NDRG3: variants seen among roughly 807,000 people sequenced by gnomAD.
NDRG3 encodes protein NDRG3.
In NDRG3, 23 loss-of-function variants were observed where a neutral mutation model predicts 57.2. The observed-to-expected ratio is 0.40, with a 90% CI of 0.29 to 0.57. The LOEUF (loss-of-function observed/expected upper bound fraction) is 0.57. Among genes scored for constraint, NDRG3 ranks in the 20% least tolerant of loss-of-function variants. The pLI is 0.42. For synonymous variants in NDRG3, 132 were observed against 162.6 expected (o/e 0.81, Z 1.43); for missense variants, 384 against 457.3 (o/e 0.84, Z 1.46).
intron 2 of NDRG3, among the ~76,000 whole-genome samples, chr20:36,711,969 C>CG (rs1301034894): frequency 6.6e-6 from 1 of 152,088 alleles, no homozygotes; most frequent in East Asian, 1.9e-4. Context: ...TTAGTAGAGA[C>CG]GGGGTTTCAC....
At chr20:36,686,862 A>G (rs981252908) in intron 5 of NDRG3, among the ~76,000 whole-genome samples, 1 of 152,158 alleles carries the variant, frequency 6.6e-6, no homozygotes, top group Non-Finnish European at 1.5e-5. Context: ...GAAGGACACA[A>G]AAATGACAGG....
intron 5 of NDRG3, among the ~76,000 whole-genome samples, chr20:36,687,049 A>T (rs1313370728): frequency 6.6e-6 from 1 of 152,004 alleles, no homozygotes; most frequent in Admixed American, 6.6e-5. Flanking sequence ...TGTAGAGACA[A>T]GGTATTCCTA....
intron 2 of NDRG3, among the ~76,000 whole-genome samples, chr20:36,707,308 T>C (rs1983602996): frequency 6.6e-6 from 1 of 152,168 alleles, no homozygotes; most frequent in African/African-American, 2.4e-5. Context: ...GGTGAGAATT[T>C]GCAGGAAGAG....
rs759634870 is a variant in NDRG3 at position 36,707,022 on chromosome 20, C to G, written c.58-15G>C. The G allele has an allele frequency of 8.1e-6, 13 of 1,612,844 alleles. No homozygotes were observed. Among genetic ancestry groups the G allele is most frequent in the Non-Finnish European group, 1.1e-5 (13 of 1,179,042 alleles). On this transcript the variant is annotated splice_polypyrimidine_tract_variant and intron_variant, in intron 2 of 15. Coordinates refer to ENST00000349004, the MANE Select transcript of NDRG3 (RefSeq NM_032013.4). ...CTTGTACCATTCTGTCAACAGAAGACAGAAAACACAGTCAGTTTCCCCACA... is the reference window on the plus strand; with the variant it reads ...CTTGTACCATTCTGTCAACAGAAGAGAGAAAACACAGTCAGTTTCCCCACA...
intron 2 of NDRG3, among the ~76,000 whole-genome samples, chr20:36,710,507 T>G (rs1205179503): frequency 6.6e-6 from 1 of 152,114 alleles, no homozygotes; most frequent in East Asian, 1.9e-4. Flanking sequence ...ATTTAGTATT[T>G]TGTAATATAA....
intron 1 of NDRG3, among the ~76,000 whole-genome samples, chr20:36,728,812 G>A (rs751131462): frequency 9.9e-5 from 15 of 151,854 alleles, no homozygotes; most frequent in Non-Finnish European, 1.9e-4. Flanking sequence ...TGCAACCTCC[G>A]CCTCCTGGGC....
rs374788007 is a variant in NDRG3 at position 36,733,463 on chromosome 20, G to A, written c.-48-11680C>T. Among the ~76,000 whole-genome samples, 139 of 151,934 alleles carry A rather than the reference G, an allele frequency of 9.1e-4. 1 individual carries two copies. The South Asian group carries it at 0.028, about 30-fold the overall frequency. Reference sequence around the variant, plus strand: ...GGTATGGCCGGGCGCGGTGGCTCACGCCTGTAATCCCAGCACTTTGGGAGG... The same window carrying A: ...GGTATGGCCGGGCGCGGTGGCTCACACCTGTAATCCCAGCACTTTGGGAGG... On this transcript the variant is annotated intron_variant, in intron 1 of 15. Coordinates refer to ENST00000349004, the MANE Select transcript of NDRG3 (RefSeq NM_032013.4).
intron 8 of NDRG3, among the ~76,000 whole-genome samples, chr20:36,674,677 A>G (rs1186829019): frequency 6.7e-6 from 1 of 149,114 alleles, no homozygotes; most frequent in African/African-American, 2.5e-5. Context: ...GGCTCACTGC[A>G]ACCTTGAACA....
intron 2 of NDRG3, among the ~76,000 whole-genome samples, chr20:36,709,940 T>A (rs1983768333): frequency 6.6e-6 from 1 of 152,020 alleles, no homozygotes; most frequent in Non-Finnish European, 1.5e-5. Context: ...CAGCTTAAGA[T>A]ATGTATGGTT....
intron 9 of NDRG3, among the ~76,000 whole-genome samples, chr20:36,668,861 A>C (rs929470892): frequency 4.6e-5 from 7 of 151,778 alleles, no homozygotes; most frequent in Non-Finnish European, 7.4e-5. Flanking sequence ...CTATATATAT[A>C]GTGAGGATGT....
chr20:36,728,017 A>C lies in NDRG3; in HGVS notation c.-48-6234T>G, dbSNP rs566049430. 2.0e-4 allele frequency among the ~76,000 whole-genome samples: 30 copies of C among 152,154 alleles called. No homozygotes were observed. In the South Asian group the frequency reaches 6.2e-3, roughly 32 times the overall value. On this transcript the variant is annotated intron_variant, in intron 1 of 15. Transcript: ENST00000349004. ...AGTTTGAGTCCAGCCTGGGCAACAC[A>C]GCAAGACCCTGCCTCTAAATAAGTG...
At position 36,688,778 on chromosome 20, in the gene NDRG3, C is replaced by G; in HGVS notation, c.100G>C (p.Asp34His). ...ACCACACCATGAGTTGTTTCTATAT[C>G]ATGTTCCTGTAACAAGAGAATGTAA... ...NFQDFDCQEH[D>H]IETTHGVVHV... is the part of the protein sequence containing the mutation. Residue 34 changes from aspartate (D) to histidine (H), a missense_variant, in exon 4 of 16, where the codon GAT becomes CAT. Transcript: ENST00000349004. 1 of 1,612,284 alleles carries G rather than the reference C, an allele frequency of 6.2e-7. No individual in the cohort carries two copies.
At chr20:36,693,109 T>A (rs1332473548) in intron 3 of NDRG3, among the ~76,000 whole-genome samples, 1,000 of 21,448 alleles carry the variant, frequency 0.047, 12 homozygotes, top group Admixed American at 0.07. Context: ...AAAAAAAATA[T>A]ATATATATAT....
chr20:36,688,694 CATG>C lies in NDRG3; in HGVS notation c.181_183del (p.His61del). The C allele has an allele frequency of 6.2e-7, 1 of 1,612,168 alleles. No homozygotes were observed. Among genetic ancestry groups the C allele is most frequent in the Non-Finnish European group, 8.5e-7 (1 of 1,178,230 alleles). ...AAATACATACGGTTGAGGCCAATGT[CATG>C]ATATGTTAGTATAACTGGTCTGTTT... On this transcript the variant is annotated inframe_deletion, in exon 4 of 16. Transcript: ENST00000349004.
At chr20:36,719,799 C>T (rs1402968081) in intron 2 of NDRG3, among the ~76,000 whole-genome samples, 2 of 151,516 alleles carry the variant, frequency 1.3e-5, no homozygotes, top group African/African-American at 4.8e-5. Context: ...TGACAATACA[C>T]CAAAAGAATA....
chr20:36,675,118 GGCATGATCTTGACTCACTACAACCT>G (rs1201893380), intron 8 of NDRG3, among the ~76,000 whole-genome samples: 3 of 145,140 alleles, frequency 2.1e-5, no homozygotes, highest in African/African-American at 7.7e-5. Context: ...AGAATGCAGT[GGCATGATCTTGACTCACTACAACCT>G]CCACCTCCCA....
intron 3 of NDRG3, among the ~76,000 whole-genome samples, chr20:36,689,117 C>A (rs1982045088): frequency 6.6e-6 from 1 of 152,172 alleles, no homozygotes; most frequent in Admixed American, 6.5e-5. Context: ...TCACTTGAAC[C>A]TGGGAGGCAG....
chr20:36,713,060 A>G (rs1435519188), intron 2 of NDRG3, among the ~76,000 whole-genome samples: 1 of 152,126 alleles, frequency 6.6e-6, no homozygotes, highest in Non-Finnish European at 1.5e-5. Context: ...CTCTAACAAA[A>G]CTTCTAGAAA....
intron 1 of NDRG3, among the ~76,000 whole-genome samples, chr20:36,728,691 C>T (rs1026483917): frequency 5.3e-5 from 8 of 152,064 alleles, no homozygotes; most frequent in Non-Finnish European, 1.0e-4. Context: ...AAATCTGAAA[C>T]ACATCTGGTT....
Sources: gnomAD v4.1 joint callset for allele counts (sites outside exome capture counted in the v4.1 genomes callset) on GRCh38, gnomAD v4.1.1 for gene constraint, MANE v1.5 for transcripts, NCBI Gene and HGNC (gene_info 2026-07-23, HGNC 2026-07-21) for gene names.